The following CSN1S1 variants were observed in gnomAD, a reference collection of about 807,000 sequenced individuals.
The protein encoded by CSN1S1 is casein alpha s1.
A neutral mutation model predicts 49.1 loss-of-function variants in CSN1S1; 63 were observed. The ratio of observed to expected loss-of-function variants is 1.28; its 90% CI spans 1.05 to 1.58. The LOEUF is 1.58. Ranked by LOEUF, CSN1S1 falls within the 40% of genes most tolerant of loss-of-function variation. The pLI is 0.00. For missense variants in CSN1S1, 260 were observed against 224.7 expected (o/e 1.16, Z -1.01); for synonymous variants, 78 against 67.1 (o/e 1.16, Z -0.79).
intron 11 of CSN1S1, 125 bp from the exon 12 acceptor site, chr4:69,940,894 G>A (rs72852689): frequency 0.027 from 14,557 of 540,438 alleles, 265 homozygotes; most frequent in East Asian, 0.068. Context: ...GCACTCAGGT[G>A]TAATAGTTCC....
intron 8 of CSN1S1, 39 bp from the exon 9 acceptor site, chr4:69,937,760 TG>T (rs1284186002): frequency 6.6e-7 from 1 of 1,521,534 alleles, no homozygotes; most frequent in Admixed American, 1.9e-5. Context: ...TTTGACTATT[TG>T]TCATGAAAAA....
At chr4:69,937,029 G>T (rs894737766) in intron 7 of CSN1S1, 92 bp from the exon 8 acceptor site, 5 of 925,888 alleles carry the variant, frequency 5.4e-6, no homozygotes, top group South Asian at 1.6e-5. Flanking sequence ...TAGTAGAATT[G>T]GTATTGAGAG....
chr4:69,942,144 C>T (rs1722990077), intron 13 of CSN1S1, 81 bp downstream of exon 13: 4 of 841,340 alleles, frequency 4.8e-6, no homozygotes, highest in African/African-American at 1.7e-5. Flanking sequence ...TCTCTTTTAA[C>T]ATAAATATAT....
chr4:69,940,109 T>TC, intron 11 of CSN1S1, 65 bp downstream of exon 11: 1 of 463,944 alleles, frequency 2.2e-6, no homozygotes. Flanking sequence ...ATGCACTTAC[T>TC]TTCACACACA....
At position 69,937,925 on chromosome 4, in the gene CSN1S1, T is replaced by C; in HGVS notation, c.243+102T>C. ...GACTGTCTTCTGAAATTAAGCAAAA[T>C]AAGAAACTGAATTTTAAAATGTTAA... On this transcript the variant is annotated intron_variant, in intron 9 of 15. Transcript: ENST00000246891. 3 of 710,112 alleles carry C rather than the reference T, an allele frequency of 4.2e-6. 1 individual carries two copies. Among genetic ancestry groups the C allele is most frequent in the Non-Finnish European group, 6.6e-6 (3 of 455,728 alleles). 44.0% of individuals were successfully genotyped at this position (710,112 alleles called of 1,614,324 possible).
At chr4:69,934,384 G>A in intron 3 of CSN1S1, 140 bp downstream of exon 3, 1 of 794,910 alleles carries the variant, frequency 1.3e-6, no homozygotes, top group Non-Finnish European at 2.0e-6. Flanking sequence ...CTGTCAGATG[G>A]TATTTGCTCT....
At chr4:69,941,098 A>T (rs1330590277) in intron 12 of CSN1S1, 38 bp downstream of exon 12, 2 of 1,011,548 alleles carry the variant, frequency 2.0e-6, no homozygotes. Context: ...ATCATATTCT[A>T]CTATAGAATT....
At chr4:69,942,901 G>A (rs1340410962) in intron 14 of CSN1S1, among the ~76,000 whole-genome samples, 6 of 150,742 alleles carry the variant, frequency 4.0e-5, no homozygotes, top group African/African-American at 1.5e-4. Flanking sequence ...GTTTAATTCA[G>A]TGTCTCTTGT....
chr4:69,945,877 T>C (rs1300448622), intron 15 of CSN1S1, among the ~76,000 whole-genome samples: 1 of 151,840 alleles, frequency 6.6e-6, no homozygotes, highest in African/African-American at 2.4e-5. Flanking sequence ...CCTTTTCCAG[T>C]GGTGGAAACT....
intron 12 of CSN1S1, among the ~76,000 whole-genome samples, chr4:69,941,837 A>G (rs1190814860): frequency 6.6e-6 from 1 of 151,856 alleles, no homozygotes; most frequent in Admixed American, 6.6e-5. Flanking sequence ...TGAATAATAT[A>G]TTTTAGTACC....
chr4:69,940,860 T>A (rs1333210685), intron 11 of CSN1S1, among the ~76,000 whole-genome samples, 159 bp from the exon 12 acceptor site: 6 of 151,774 alleles, frequency 4.0e-5, no homozygotes, highest in Non-Finnish European at 5.9e-5. Flanking sequence ...ATGGAAGAGA[T>A]CCAAATTATT....
chr4:69,936,449 C>T lies in CSN1S1; in HGVS notation c.130-7C>T, dbSNP rs772692322. 5.9e-6 allele frequency: 9 copies of T among 1,538,026 alleles called. No individual in the cohort carries two copies. In the Admixed American group the frequency reaches 1.2e-4, roughly 20 times the overall value. Reference sequence around the variant, plus strand: ...ATATTGTTTATGTTTTCTTTTTTATCCCTAAGGAATACATGAATGGTATGA... The same window carrying T: ...ATATTGTTTATGTTTTCTTTTTTATTCCTAAGGAATACATGAATGGTATGA... On this transcript the variant is annotated splice_region_variant and splice_polypyrimidine_tract_variant and intron_variant, in intron 5 of 15. Transcript: ENST00000246891.
intron 12 of CSN1S1, 35 bp downstream of exon 12, chr4:69,941,095 T>C: frequency 9.5e-7 from 1 of 1,047,690 alleles, no homozygotes; most frequent in Non-Finnish European, 1.4e-6. Context: ...AAAATCATAT[T>C]CTACTATAGA....
In CSN1S1 at chr4:69,939,718, C is replaced by T. The variant is rs921801089; in HGVS notation, c.277-303C>T. On this transcript the variant is annotated intron_variant, in intron 10 of 15. Transcript: ENST00000246891. ...TTGACTTTGGAAGAAGACCTTCATG[C>T]AAGTTACCAAAATAAAACCAACTCA... 2.0e-5 allele frequency among the ~76,000 whole-genome samples: 3 copies of T among 151,720 alleles called. No individual in the cohort carries two copies. In the Admixed American group the frequency reaches 2.0e-4, roughly 10 times the overall value.
intron 1 of CSN1S1, among the ~76,000 whole-genome samples, chr4:69,931,364 TTTTAAAGTTG>T (rs1722601244): frequency 6.6e-6 from 1 of 152,020 alleles, no homozygotes; most frequent in Non-Finnish European, 1.5e-5. Context: ...TAAAATATAT[TTTTAAAGTTG>T]ATACATAATT....
Position 69,940,004 on chromosome 4 carries a change from T to C in CSN1S1, c.277-17T>C, listed in dbSNP as rs776690174. 136 of 1,369,320 alleles carry C rather than the reference T, an allele frequency of 9.9e-5. 1 individual carries two copies. The highest frequency in any genetic ancestry group is 4.0e-6 in the Non-Finnish European group (4 of 1,010,568). The allele number at this position is 1,369,320 out of a possible 1,614,324, so 84.8% of individuals were successfully genotyped here. ...TGTCGTGAAATTAAAACTATGCATG[T>C]TTTAATTTTTTTAAAGGAAATGTCT... On this transcript the variant is annotated splice_polypyrimidine_tract_variant and intron_variant, in intron 10 of 15. Coordinates refer to ENST00000246891, the MANE Select transcript of CSN1S1 (RefSeq NM_001890.2).
At chr4:69,936,636 G>T (rs2109717160) in intron 7 of CSN1S1, 29 bp downstream of exon 7, 1 of 1,579,856 alleles carries the variant, frequency 6.3e-7, no homozygotes, top group East Asian at 2.3e-5. Context: ...AAAGAGTATG[G>T]CAAAAGTATA....
In CSN1S1 at chr4:69,941,151, T is replaced by G. The variant is rs552472390; in HGVS notation, c.342+91T>G. On this transcript the variant is annotated intron_variant, in intron 12 of 15. Transcript: ENST00000246891. ...AAATTGGGGCCATTTCTAAATATAT[T>G]TTTATTTTTCTTAAGAAATTATTTA... 88 of 603,434 alleles carry G rather than the reference T, an allele frequency of 1.5e-4. 1 individual carries two copies. The Admixed American group carries it at 2.7e-3, about 19-fold the overall frequency. The allele number at this position is 603,434 out of a possible 1,614,324, so 37.4% of individuals were successfully genotyped here.
chr4:69,940,025 T>C lies in CSN1S1; in HGVS notation c.281T>C (p.Met94Thr). ...ESSISSSSEE[M>T]SLSKCAEQFC... ...CATGTTTTAATTTTTTTAAAGGAAA[T>C]GTCTCTCAGTAAGTGTGCGGTAAGA... Residue 94 changes from methionine (M) to threonine (T), a missense_variant, in exon 11 of 16, where the codon ATG becomes ACG. Transcript: ENST00000246891. 1.4e-6 allele frequency: 2 copies of C among 1,400,798 alleles called. No individual in the cohort carries two copies. The highest frequency in any genetic ancestry group is 1.9e-6 in the Non-Finnish European group (2 of 1,037,224). 86.8% of individuals were successfully genotyped at this position (1,400,798 alleles called of 1,614,324 possible). A position where few individuals can be genotyped will look rare whatever the true frequency, so the allele number is the denominator to read the frequency against.
Sources: allele counts gnomAD v4.1 joint callset (sites outside exome capture counted in the v4.1 genomes callset), GRCh38; gene constraint gnomAD v4.1.1; transcripts MANE v1.5; gene names NCBI Gene and HGNC (gene_info 2026-07-23, HGNC 2026-07-21).